CSMD3: variants seen among roughly 807,000 people sequenced by gnomAD.
CSMD3 encodes CUB and sushi domain-containing protein 3.
In CSMD3, 177 loss-of-function variants were observed where a neutral mutation model predicts 435.2. That is an observed-to-expected ratio of 0.41 (90% CI 0.36 to 0.46). The LOEUF (loss-of-function observed/expected upper bound fraction) is 0.46, where lower values mean the gene tolerates loss of function less well. Ranked by LOEUF, CSMD3 falls within the 20% of genes least tolerant of loss-of-function variation. The pLI is 0.34. For missense variants in CSMD3, 4,265 were observed against 4,504.6 expected (o/e 0.95, Z 1.52); for synonymous variants, 1,656 against 1,520.5 (o/e 1.09, Z -2.07).
intron 5 of CSMD3, among the ~76,000 whole-genome samples, chr8:113,079,958 C>T (rs1394561590): frequency 6.6e-6 from 1 of 151,986 alleles, no homozygotes; most frequent in East Asian, 1.9e-4. Context: ...GTTTGTTTTT[C>T]TCTCCACATT....
At chr8:113,186,744 C>A (rs982064548) in intron 3 of CSMD3, among the ~76,000 whole-genome samples, 1 of 152,034 alleles carries the variant, frequency 6.6e-6, no homozygotes, top group Non-Finnish European at 1.5e-5. Context: ...TCATTTTACA[C>A]CCTGTGGTCA....
chr8:113,285,261 CTTT>C (rs11420062), intron 2 of CSMD3, among the ~76,000 whole-genome samples: 11 of 128,152 alleles, frequency 8.6e-5, no homozygotes, highest in Non-Finnish European at 1.1e-4. Context: ...TTGGTGACAG[CTTT>C]TTTTTTTTTT....
At chr8:112,694,362 T>C (rs1290073693) in intron 13 of CSMD3, among the ~76,000 whole-genome samples, 1 of 152,164 alleles carries the variant, frequency 6.6e-6, no homozygotes, top group Non-Finnish European at 1.5e-5. Context: ...TATGTTTATT[T>C]ACACTTATTT....
intron 5 of CSMD3, among the ~76,000 whole-genome samples, chr8:113,085,613 T>A (rs915515534): frequency 6.6e-6 from 1 of 152,070 alleles, no homozygotes; most frequent in Non-Finnish European, 1.5e-5. Context: ...AAGAATGAAA[T>A]CCTGTCATTA....
At chr8:112,795,962 A>T (rs1345295378) in intron 13 of CSMD3, among the ~76,000 whole-genome samples, 2 of 151,890 alleles carry the variant, frequency 1.3e-5, no homozygotes, top group Non-Finnish European at 2.9e-5. Flanking sequence ...ACTATATGAA[A>T]ATAAAAAAAA....
chr8:112,828,637 A>C (rs2132471736), intron 12 of CSMD3, among the ~76,000 whole-genome samples: 1 of 152,316 alleles, frequency 6.6e-6, no homozygotes, highest in East Asian at 1.9e-4. Context: ...ATCCAGTCTC[A>C]GGTAGTTCTT....
At chr8:113,051,043 AT>A (rs1407266483) in intron 5 of CSMD3, among the ~76,000 whole-genome samples, 1 of 152,082 alleles carries the variant, frequency 6.6e-6, no homozygotes, top group Non-Finnish European at 1.5e-5. Flanking sequence ...TCATCTTCCA[AT>A]TTTATTTCAA....
intron 1 of CSMD3, among the ~76,000 whole-genome samples, chr8:113,398,255 T>C (rs138989075): frequency 1.3e-5 from 2 of 152,340 alleles, no homozygotes; most frequent in African/African-American, 4.8e-5. Flanking sequence ...TTAATTTTCT[T>C]TTCCCAAGTG....
Position 113,278,667 on chromosome 8 carries a change from T to C in CSMD3, c.439A>G (p.Thr147Ala). 1 of 1,598,780 alleles carries C rather than the reference T, an allele frequency of 6.3e-7. No homozygotes were observed. Among genetic ancestry groups the C allele is most frequent in the Non-Finnish European group, 8.6e-7 (1 of 1,166,402 alleles). ...GFHLPPPVTS[T>A]KSVFSLRLTS... ...AAACGTAGTGAGAACACAGATTTGG[T>C]ACTTGTCACTGGAGGTGGCAGATGG... The change falls in exon 3 of 71, where the codon ACC (threonine) becomes GCC (alanine). Residue 147 changes from threonine to alanine, a missense_variant. By Grantham distance (58) the Thr-to-Ala change is moderately conservative. Coordinates refer to ENST00000297405, the MANE Select transcript of CSMD3 (RefSeq NM_198123.2).
intron 5 of CSMD3, among the ~76,000 whole-genome samples, chr8:113,043,928 T>C (rs139232880): frequency 6.6e-6 from 1 of 152,084 alleles, no homozygotes; most frequent in Non-Finnish European, 1.5e-5. Context: ...CCATCACATA[T>C]CCTAGGATTT....
intron 3 of CSMD3, among the ~76,000 whole-genome samples, chr8:113,250,838 G>C (rs181192557): frequency 3.3e-5 from 5 of 152,016 alleles, no homozygotes; most frequent in Admixed American, 3.3e-4. Context: ...TGCTCACAGC[G>C]TCACAGCAGA....
chr8:113,114,790 G>A (rs937510326), intron 4 of CSMD3, among the ~76,000 whole-genome samples: 2 of 152,156 alleles, frequency 1.3e-5, no homozygotes, highest in Non-Finnish European at 2.9e-5. Flanking sequence ...GTTTGAAACA[G>A]AGGTAGATAG....
At chr8:112,502,718 T>A (rs1822099654) in intron 30 of CSMD3, among the ~76,000 whole-genome samples, 1 of 152,160 alleles carries the variant, frequency 6.6e-6, no homozygotes, top group South Asian at 2.1e-4. Context: ...TATAGCACAG[T>A]GTTAATTTTT....
chr8:112,616,371 T>C (rs1833662306), intron 22 of CSMD3, among the ~76,000 whole-genome samples: 1 of 152,162 alleles, frequency 6.6e-6, no homozygotes, highest in African/African-American at 2.4e-5. Context: ...GACATCTACA[T>C]ATATAGCTTG....
chr8:113,249,438 G>T (rs765257222), intron 3 of CSMD3, among the ~76,000 whole-genome samples: 2 of 152,012 alleles, frequency 1.3e-5, no homozygotes, highest in Non-Finnish European at 2.9e-5. Context: ...CCAGAAACAA[G>T]TTTTAGATAG....
intron 11 of CSMD3, among the ~76,000 whole-genome samples, chr8:112,838,497 A>G (rs960972873): frequency 4.6e-5 from 7 of 151,902 alleles, no homozygotes; most frequent in East Asian, 1.9e-4. Flanking sequence ...CTGTGGAAGT[A>G]GGGATGGAGA....
intron 43 of CSMD3, 132 bp from the exon 44 acceptor site, chr8:112,336,961 G>T: frequency 1.3e-6 from 1 of 777,596 alleles, no homozygotes; most frequent in Non-Finnish European, 2.2e-6. Flanking sequence ...TTCAGTTGAG[G>T]TATGTATAAT....
At chr8:113,172,735 G>T (rs977203793) in intron 4 of CSMD3, among the ~76,000 whole-genome samples, 2 of 152,118 alleles carry the variant, frequency 1.3e-5, no homozygotes, top group Non-Finnish European at 2.9e-5. Flanking sequence ...TGACATGTTT[G>T]GGAGGAAGCT....
At position 112,650,361 on chromosome 8, in the gene CSMD3, A is replaced by AG; in HGVS notation, c.3005-13dup. 6.2e-7 allele frequency: 1 copy of AG among 1,606,338 alleles called. No homozygotes were observed. Among genetic ancestry groups the AG allele is most frequent in the Non-Finnish European group, 8.5e-7 (1 of 1,172,958 alleles). On this transcript the variant is annotated splice_polypyrimidine_tract_variant and intron_variant, in intron 18 of 70. Transcript: ENST00000297405. Reference sequence around the variant, plus strand: ...GTTCACTGTAACACCTGGAAAACAAAGGGAAGAAAATAAAGAGTAAGCTTG... The same window carrying AG: ...GTTCACTGTAACACCTGGAAAACAAAGGGGAAGAAAATAAAGAGTAAGCTTG...
Sources: allele counts gnomAD v4.1 joint callset (sites outside exome capture counted in the v4.1 genomes callset), GRCh38; gene constraint gnomAD v4.1.1; transcripts MANE v1.5; gene names NCBI Gene and HGNC (gene_info 2026-07-23, HGNC 2026-07-21).